The following OOSP1 variants were observed in gnomAD, a reference collection of about 807,000 sequenced individuals.
OOSP1 encodes putative oocyte-secreted protein 1 homolog.
A neutral mutation model predicts 5.7 loss-of-function variants in OOSP1; 11 were observed. That is an observed-to-expected ratio of 1.94 (90% CI 1.22 to 3.20). The LOEUF (loss-of-function observed/expected upper bound fraction) is 3.20. OOSP1 is among the 30% of genes most tolerant of loss of function. OOSP1 has a pLI of 0.00. For missense variants in OOSP1, 83 were observed against 54.1 expected, an observed-to-expected ratio of 1.53 and a Z score of -1.67; for synonymous variants, 44 against 20.0, an observed-to-expected ratio of 2.20 and a Z score of -3.20.
chr11:59,945,059 T>G, intron 2 of OOSP1, 110 bp from the exon 3 acceptor site: 1 of 647,608 alleles, frequency 1.5e-6, no homozygotes, highest in Non-Finnish European at 2.8e-6. Flanking sequence ...AGTGAGAGTG[T>G]GACCATTTTT....
chr11:59,943,003 C>T (rs1252196897), exon 2 of OOSP1: 1 of 702,878 alleles, frequency 1.4e-6, no homozygotes, highest in Admixed American at 2.0e-5. Context: ...TTCTACCATC[C>T]TCATGACTGT....
At chr11:59,941,595 GT>G (rs1853825864) in intron 1 of OOSP1, among the ~76,000 whole-genome samples, 2 of 152,012 alleles carry the variant, frequency 1.3e-5, no homozygotes, top group Non-Finnish European at 2.9e-5. Flanking sequence ...GATCAGACTG[GT>G]CTTGAACTCC....
At chr11:59,952,407 T>TA (rs35121708) in intron 4 of OOSP1, among the ~76,000 whole-genome samples, 4 of 151,236 alleles carry the variant, frequency 2.6e-5, no homozygotes, top group Non-Finnish European at 5.9e-5. Context: ...AAATGAGTGG[T>TA]AAAAAAAAAT....
intron 4 of OOSP1, among the ~76,000 whole-genome samples, chr11:59,950,558 G>C (rs1166195931): frequency 6.6e-6 from 1 of 152,212 alleles, no homozygotes; most frequent in African/African-American, 2.4e-5. Flanking sequence ...CCAGGGCAGA[G>C]TGGGGTCCTG....
intron 4 of OOSP1, among the ~76,000 whole-genome samples, chr11:59,950,888 TA>T (rs1273109437): frequency 2.0e-5 from 3 of 151,546 alleles, no homozygotes; most frequent in African/African-American, 7.3e-5. Context: ...CACATGGTAA[TA>T]GTTTTTTTTT....
At chr11:59,942,778 T>C (rs1853843484) in intron 1 of OOSP1, 69 bp from the exon 2 acceptor site, 3 of 642,714 alleles carry the variant, frequency 4.7e-6, no homozygotes, top group Non-Finnish European at 8.4e-6. Context: ...ATTAACAGGG[T>C]ATGCTAAATT....
At chr11:59,956,534 T>C (rs1243871962) in intron 4 of OOSP1, among the ~76,000 whole-genome samples, 1 of 152,168 alleles carries the variant, frequency 6.6e-6, no homozygotes, top group Non-Finnish European at 1.5e-5. Context: ...ATTCCTCTTG[T>C]TCTATAACCC....
At position 59,938,545 on chromosome 11, in the gene OOSP1, T is replaced by C. The variant is rs371457327; in HGVS notation, c.76+15T>C. 1.8e-5 allele frequency: 9 copies of C among 513,620 alleles called. No individual in the cohort carries two copies. The East Asian group carries it at 3.0e-4, about 17-fold the overall frequency. The allele number at this position is 513,620 out of a possible 1,614,324, so 31.8% of individuals were successfully genotyped here. A position where few individuals can be genotyped will look rare whatever the true frequency, so the allele number is the denominator to read the frequency against. On this transcript the variant is annotated intron_variant, in intron 1 of 4. Transcript: ENST00000646685. ...GGACTGGTCAGGTATAACTTATCACTTGGGGAATAGAAGTTTCTTAAAGAG... is the reference window on the plus strand; with the variant it reads ...GGACTGGTCAGGTATAACTTATCACCTGGGGAATAGAAGTTTCTTAAAGAG...
chr11:59,957,303 T>C, exon 5 of OOSP1: 1 of 397,728 alleles, frequency 2.5e-6, no homozygotes, highest in South Asian at 1.3e-4. Flanking sequence ...AGATGATAGA[T>C]CTTCATCACA....
chr11:59,954,629 T>TTATC (rs55633618), intron 4 of OOSP1, among the ~76,000 whole-genome samples: 64,053 of 148,122 alleles, frequency 0.43, 13,929 homozygotes, highest in Middle Eastern at 0.49. Context: ...TGAAGGGACT[T>TTATC]TATCTATCTA....
chr11:59,943,100 T>A, intron 2 of OOSP1, 72 bp downstream of exon 2: 1 of 659,400 alleles, frequency 1.5e-6, no homozygotes, highest in Non-Finnish European at 2.8e-6. Context: ...TGTCCATGTG[T>A]TCTCATTGCT....
At chr11:59,939,333 C>G (rs1853801503) in intron 1 of OOSP1, among the ~76,000 whole-genome samples, 1 of 151,782 alleles carries the variant, frequency 6.6e-6, no homozygotes, top group Non-Finnish European at 1.5e-5. Flanking sequence ...CTCACTACAG[C>G]CTCTGCCTCC....
intron 4 of OOSP1, among the ~76,000 whole-genome samples, chr11:59,948,294 A>G (rs767021266): frequency 9.8e-5 from 15 of 152,300 alleles, no homozygotes; most frequent in Non-Finnish European, 2.1e-4. Flanking sequence ...CCCAGGAAGT[A>G]CCAAATGACT....
At position 59,952,081 on chromosome 11, in the gene OOSP1, C is replaced by T. The variant is rs143645427; in HGVS notation, c.486+4219C>T. Among the ~76,000 whole-genome samples the T allele has an allele frequency of 3.4e-3, 519 of 152,016 alleles. 1 individual carries two copies. The highest frequency in any genetic ancestry group is 5.4e-3 in the Non-Finnish European group (365 of 67,948). ...ACATGAATCAATATTTAAAATGGAG[C>T]ACTAGATATCAAGACCTACTATAAA... On this transcript the variant is annotated intron_variant, in intron 4 of 4. Transcript: ENST00000646685.
intron 4 of OOSP1, 67 bp downstream of exon 4, chr11:59,947,929 C>T (rs1034108241): frequency 2.5e-6 from 1 of 397,610 alleles, no homozygotes; most frequent in Non-Finnish European, 4.4e-6. Context: ...CCAGTCAATA[C>T]AATTGTCAAG....
chr11:59,943,355 T>TA (rs1010243195), intron 2 of OOSP1, among the ~76,000 whole-genome samples: 63 of 146,684 alleles, frequency 4.3e-4, no homozygotes, highest in African/African-American at 1.2e-3. Flanking sequence ...ACTTAAAGTA[T>TA]AAAAAAAAAA....
intron 4 of OOSP1, among the ~76,000 whole-genome samples, chr11:59,951,459 A>C (rs1853938923): frequency 1.3e-5 from 2 of 152,094 alleles, no homozygotes; most frequent in South Asian, 4.1e-4. Flanking sequence ...CAGCGCCTGA[A>C]TTCATTGCGA....
At position 59,945,287 on chromosome 11, in the gene OOSP1, C is replaced by A. The variant is rs1590891576; in HGVS notation, c.356+21C>A. The stretch of plus-strand genomic sequence containing the variant: ...CACAAGTGAGTATGGAATGCCAAAC[C>A]CCTGTCCTAGCCCCTGGCTTCATTT... On this transcript the variant is annotated intron_variant, in intron 3 of 4. Coordinates refer to ENST00000646685, the Ensembl canonical transcript of OOSP1. 10 of 702,856 alleles carry A rather than the reference C, an allele frequency of 1.4e-5. No homozygotes were observed. The East Asian group carries it at 2.7e-4, about 19-fold the overall frequency. The allele number at this position is 702,856 out of a possible 1,614,324, so 43.5% of individuals were successfully genotyped here.
chr11:59,957,029 C>A (rs1365071137), intron 4 of OOSP1, among the ~76,000 whole-genome samples, 166 bp from the exon 5 acceptor site: 1 of 152,068 alleles, frequency 6.6e-6, no homozygotes, highest in Non-Finnish European at 1.5e-5. Context: ...GTGCAAGTAT[C>A]TTTTTCATAT....
Sources: allele counts gnomAD v4.1 joint callset (sites outside exome capture counted in the v4.1 genomes callset), GRCh38; gene constraint gnomAD v4.1.1; transcripts MANE v1.5; gene names NCBI Gene and HGNC (gene_info 2026-07-23, HGNC 2026-07-21).